The following PHEX variants were observed in gnomAD, a reference collection of about 807,000 sequenced individuals.
PHEX encodes phosphate-regulating neutral endopeptidase PHEX.
PHEX carries 16 observed loss-of-function variants against 68.0 expected under a neutral mutation model. That is an observed-to-expected ratio of 0.24 (90% CI 0.16 to 0.36). PHEX has a LOEUF of 0.36. Ranked by LOEUF, PHEX falls within the 10% of genes least tolerant of loss-of-function variation. The probability of loss-of-function intolerance (pLI) is 1.00; values close to 1 mark genes in which losing one functional copy is unlikely to be tolerated. For missense variants in PHEX, 480 were observed against 575.5 expected, an observed-to-expected ratio of 0.83 and a Z score of 1.70; for synonymous variants, 208 against 205.1, an observed-to-expected ratio of 1.01 and a Z score of -0.12.
intron 15 of PHEX, among the ~76,000 whole-genome samples, chrX:22,192,799 C>T (rs1934244623): frequency 8.9e-6 from 1 of 111,771 alleles, no homozygotes; most frequent in Admixed American, 9.5e-5. Context: ...CCATACTGGC[C>T]GTTGTTCCTA....
intron 3 of PHEX, among the ~76,000 whole-genome samples, chrX:22,060,154 CA>C (rs34000062): frequency 1.0e-3 from 72 of 69,909 alleles, no homozygotes; most frequent in East Asian, 2.9e-3. Context: ...AGCCCTGTCT[CA>C]AAAAAAAAAA....
chrX:22,153,147 A>G (rs1312796010), intron 12 of PHEX, among the ~76,000 whole-genome samples: 1 of 110,815 alleles, frequency 9.0e-6, no homozygotes, highest in Non-Finnish European at 1.9e-5. Flanking sequence ...ATGCACCACA[A>G]TGCCAAACTA....
At chrX:22,079,609 A>G (rs181263561) in intron 5 of PHEX, among the ~76,000 whole-genome samples, 11 of 111,443 alleles carry the variant, frequency 9.9e-5, no homozygotes, top group Admixed American at 3.8e-4. Context: ...TAAAAAAAAA[A>G]ACAGTTGGTC....
chrX:22,224,958 A>AGCGCTGTATGATTTATTATCATACT (rs1935408493), intron 18 of PHEX, among the ~76,000 whole-genome samples: 2 of 113,881 alleles, frequency 1.8e-5, no homozygotes, highest in Non-Finnish European at 3.7e-5. Context: ...ATTATCATAC[A>AGCGCTGTATGATTTATTATCATACT]GCGCTGTATG....
intron 12 of PHEX, among the ~76,000 whole-genome samples, chrX:22,143,554 GCAGTCACTCTC>G (rs963983793): frequency 1.8e-5 from 2 of 112,117 alleles, no homozygotes; most frequent in African/African-American, 6.5e-5. Flanking sequence ...TACCCATTAA[GCAGTCACTCTC>G]CATTCCCCAC....
intron 2 of PHEX, among the ~76,000 whole-genome samples, chrX:22,042,675 C>T (rs181344661): frequency 9.0e-5 from 10 of 111,259 alleles, no homozygotes; most frequent in African/African-American, 3.3e-4. Flanking sequence ...ATCCCAGCTA[C>T]CTGGGAGGCC....
chrX:22,076,887 G>T (rs1167779290), intron 4 of PHEX, among the ~76,000 whole-genome samples: 1 of 111,782 alleles, frequency 8.9e-6, no homozygotes, highest in East Asian at 2.8e-4. Flanking sequence ...AGCCTAACAG[G>T]CATCTTTGTT....
intron 3 of PHEX, among the ~76,000 whole-genome samples, chrX:22,075,285 C>CTTTTTT (rs1164944990): frequency 4.8e-5 from 3 of 62,353 alleles, no homozygotes; most frequent in Non-Finnish European, 9.1e-5. Flanking sequence ...CTCTGGGTTG[C>CTTTTTT]TTTTTTTTTT....
rs769890187 is a variant in PHEX at position 22,212,901 on chromosome X, T to C, written c.1646-3T>C. The stretch of plus-strand genomic sequence containing the variant: ...ATCTCTTAACATTTTTTCCTTCTCA[T>C]AGGATTTCCAGCAGGAGAGCTCCAG... On this transcript the variant is annotated splice_region_variant and splice_polypyrimidine_tract_variant and intron_variant, in intron 15 of 21. Coordinates refer to ENST00000379374, the MANE Select transcript of PHEX (RefSeq NM_000444.6). 7 of 1,194,364 alleles carry C rather than the reference T, an allele frequency of 5.9e-6. No homozygotes were observed. The African/African-American group carries it at 8.8e-5, about 15-fold the overall frequency.
intron 2 of PHEX, among the ~76,000 whole-genome samples, chrX:22,042,814 C>CAA (rs113618403): frequency 4.1e-5 from 4 of 97,741 alleles, no homozygotes; most frequent in African/African-American, 1.5e-4. Flanking sequence ...GACTCCGCCT[C>CAA]AAAAAAAAAA....
At position 22,227,665 on chromosome X, in the gene PHEX, T is replaced by C. The variant is rs759742901; in HGVS notation, c.2070+54T>C. The C allele has an allele frequency of 9.7e-5, 79 of 817,582 alleles. No homozygotes were observed. The African/African-American group carries it at 1.4e-3, about 14-fold the overall frequency. The allele number at this position is 817,582 out of a possible 1,213,427, so 67.4% of individuals were successfully genotyped here. A position where few individuals can be genotyped will look rare whatever the true frequency, so the allele number is the denominator to read the frequency against. Reference sequence around the variant, plus strand: ...GATGAGATGCAGGACTTGAGTTTGCTCCCTTGATCAAAGAAAGATTTCAAA... The same window carrying C: ...GATGAGATGCAGGACTTGAGTTTGCCCCCTTGATCAAAGAAAGATTTCAAA... On this transcript the variant is annotated intron_variant, in intron 20 of 21. Coordinates refer to ENST00000379374, the MANE Select transcript of PHEX (RefSeq NM_000444.6).
intron 9 of PHEX, among the ~76,000 whole-genome samples, chrX:22,105,487 T>C (rs1040733155): frequency 8.9e-6 from 1 of 112,126 alleles, no homozygotes; most frequent in Admixed American, 9.5e-5. Flanking sequence ...CTGAAGCTGC[T>C]GGCTCAGGGA....
intron 3 of PHEX, among the ~76,000 whole-genome samples, chrX:22,075,997 T>C (rs1161591978): frequency 1.8e-5 from 2 of 112,065 alleles, no homozygotes; most frequent in East Asian, 2.8e-4. Flanking sequence ...CCTGATGAAA[T>C]TGGCTCCGTT....
intron 20 of PHEX, among the ~76,000 whole-genome samples, chrX:22,241,813 A>ACCAGACAGGTTCACAG (rs1411117314): frequency 8.9e-6 from 1 of 112,044 alleles, no homozygotes; most frequent in Admixed American, 9.5e-5. Context: ...GTTGTTGAGG[A>ACCAGACAGGTTCACAG]CCAGACAGGT....
At chrX:22,232,973 G>A (rs1242404476) in intron 20 of PHEX, among the ~76,000 whole-genome samples, 3 of 111,013 alleles carry the variant, frequency 2.7e-5, no homozygotes, top group Non-Finnish European at 3.8e-5. Context: ...TCTTTGAGGA[G>A]CTCTTGTAAG....
At chrX:22,239,624 C>A (rs923708274) in intron 20 of PHEX, among the ~76,000 whole-genome samples, 2 of 109,426 alleles carry the variant, frequency 1.8e-5, no homozygotes, top group African/African-American at 6.6e-5. Context: ...ACTGATCAAG[C>A]GGAAGAAAGG....
At chrX:22,082,162 A>G (rs895752029) in intron 5 of PHEX, among the ~76,000 whole-genome samples, 7 of 112,070 alleles carry the variant, frequency 6.2e-5, no homozygotes, top group African/African-American at 2.3e-4. Flanking sequence ...ACACATTTTC[A>G]TGGTACATGT....
chrX:22,110,753 G>A (rs756585172), intron 9 of PHEX, among the ~76,000 whole-genome samples: 1 of 111,903 alleles, frequency 8.9e-6, no homozygotes, highest in East Asian at 2.8e-4. Flanking sequence ...ATTGAACAAT[G>A]AGAACACTTG....
intron 12 of PHEX, among the ~76,000 whole-genome samples, chrX:22,144,712 C>T (rs1232404594): frequency 2.9e-5 from 3 of 103,409 alleles, no homozygotes. Flanking sequence ...GTGCAGTTTC[C>T]TATAATTATC....
Sources: allele counts gnomAD v4.1 joint callset (sites outside exome capture counted in the v4.1 genomes callset), GRCh38; gene constraint gnomAD v4.1.1; transcripts MANE v1.5; gene names NCBI Gene and HGNC (gene_info 2026-07-23, HGNC 2026-07-21).